RETREG1: variants seen among roughly 807,000 people sequenced by gnomAD.
The protein encoded by RETREG1 is reticulophagy regulator 1, also known as family with sequence similarity 134 member B.
In RETREG1, 44 loss-of-function variants were observed where a neutral mutation model predicts 54.8. That is an observed-to-expected ratio of 0.80 (90% CI 0.63 to 1.03). The LOEUF is 1.03. RETREG1 is among the 50% of genes least tolerant of loss of function. The pLI is 0.00. For missense variants in RETREG1, 554 were observed against 605.1 expected, an observed-to-expected ratio of 0.92 and a Z score of 0.89; for synonymous variants, 217 against 238.5, an observed-to-expected ratio of 0.91 and a Z score of 0.83.
At chr5:16,479,233 T>C (rs1275970840) in intron 5 of RETREG1, among the ~76,000 whole-genome samples, 1 of 152,050 alleles carries the variant, frequency 6.6e-6, no homozygotes, top group Non-Finnish European at 1.5e-5. Context: ...TCTTTTTCTG[T>C]AAGGTAAACA....
chr5:16,522,358 G>T (rs1278807770), intron 3 of RETREG1, among the ~76,000 whole-genome samples: 1 of 152,194 alleles, frequency 6.6e-6, no homozygotes, highest in Non-Finnish European at 1.5e-5. Flanking sequence ...GAGAGGCACA[G>T]TTTATCACAT....
intron 3 of RETREG1, among the ~76,000 whole-genome samples, chr5:16,530,877 C>T (rs1242120488): frequency 1.3e-5 from 2 of 151,840 alleles, no homozygotes; most frequent in East Asian, 3.9e-4. Context: ...AAAAAAAACT[C>T]CAAAATAAGA....
chr5:16,553,694 CGGGGTGGGCG>C (rs2126618225), intron 3 of RETREG1, among the ~76,000 whole-genome samples: 1 of 151,964 alleles, frequency 6.6e-6, no homozygotes, highest in South Asian at 2.1e-4. Flanking sequence ...GGCAGCAGGA[CGGGGTGGGCG>C]GGGGAGCAAC....
intron 3 of RETREG1, among the ~76,000 whole-genome samples, chr5:16,560,060 T>A (rs1663789258): frequency 2.0e-5 from 3 of 152,214 alleles, no homozygotes; most frequent in African/African-American, 7.2e-5. Flanking sequence ...GGTACAAATA[T>A]TGACATGTGA....
intron 3 of RETREG1, among the ~76,000 whole-genome samples, chr5:16,531,943 T>C (rs1243976306): frequency 1.3e-5 from 2 of 152,174 alleles, no homozygotes; most frequent in East Asian, 1.9e-4. Context: ...TCCCTGAGCA[T>C]GGCCTTACCC....
intron 1 of RETREG1, among the ~76,000 whole-genome samples, chr5:16,582,508 T>G (rs546953564): frequency 6.6e-6 from 1 of 152,318 alleles, no homozygotes; most frequent in African/African-American, 2.4e-5. Flanking sequence ...TTTATGGGAC[T>G]GGTCTCTATT....
chr5:16,583,409 C>T (rs1239705607), intron 1 of RETREG1, among the ~76,000 whole-genome samples: 1 of 152,028 alleles, frequency 6.6e-6, no homozygotes, highest in Non-Finnish European at 1.5e-5. Flanking sequence ...GGGAGAATCG[C>T]CTGAACCCTG....
chr5:16,549,675 C>T, intron 3 of RETREG1, among the ~76,000 whole-genome samples: 1 of 152,138 alleles, frequency 6.6e-6, no homozygotes, highest in East Asian at 1.9e-4. Context: ...CCCAGGGGAA[C>T]AAAAGTATTT....
intron 3 of RETREG1, among the ~76,000 whole-genome samples, chr5:16,502,950 G>T (rs1000410268): frequency 6.6e-6 from 1 of 152,194 alleles, no homozygotes; most frequent in East Asian, 1.9e-4. Context: ...CACACAATTA[G>T]GCTTTTGTCC....
Position 16,521,804 on chromosome 5 carries a change from A to C in RETREG1, c.459-38332T>G, listed in dbSNP as rs117258639. ...CAGGTTTAAAGGATTTCAGTCCTTAAATAGCAACTGATAAGATGTTTCTTG... is the reference window on the plus strand; with the variant it reads ...CAGGTTTAAAGGATTTCAGTCCTTACATAGCAACTGATAAGATGTTTCTTG... On this transcript the variant is annotated intron_variant, in intron 3 of 8. Coordinates refer to ENST00000306320, the MANE Select transcript of RETREG1 (RefSeq NM_001034850.3). Among the ~76,000 whole-genome samples, 86 of 152,376 alleles carry C rather than the reference A, an allele frequency of 5.6e-4. 2 individuals are homozygous for C. The East Asian group carries it at 0.013, about 24-fold the overall frequency.
chr5:16,570,099 C>A (rs895879690), intron 2 of RETREG1, among the ~76,000 whole-genome samples: 1 of 152,200 alleles, frequency 6.6e-6, no homozygotes, highest in Non-Finnish European at 1.5e-5. Context: ...TTTGAAACAC[C>A]AGGTTTGTGG....
chr5:16,584,633 TA>T (rs1742577875), intron 1 of RETREG1, among the ~76,000 whole-genome samples: 1 of 152,230 alleles, frequency 6.6e-6, no homozygotes. Context: ...CCATCTATCA[TA>T]ATATCACAAA....
rs540752791 is a variant in RETREG1, at chr5:16,483,333, C to A, written c.585+13G>T. On this transcript the variant is annotated intron_variant, in intron 4 of 8. Coordinates refer to ENST00000306320, the MANE Select transcript of RETREG1 (RefSeq NM_001034850.3). ...GAACATTTTAAAACATACTCCTTTA[C>A]TGGAAAACTTGCCTTGCCAGGGCTC... 2 of 1,612,830 alleles carry A rather than the reference C, an allele frequency of 1.2e-6. No individual in the cohort carries two copies. The highest frequency in any genetic ancestry group is 2.2e-5 in the South Asian group (2 of 91,056).
At position 16,537,388 on chromosome 5, in the gene RETREG1, C is replaced by T. The variant is rs546097236; in HGVS notation, c.458+28375G>A. 2.6e-5 allele frequency among the ~76,000 whole-genome samples: 4 copies of T among 152,326 alleles called. No homozygotes were observed. The East Asian group carries it at 7.7e-4, about 29-fold the overall frequency. ...TTCCGCGGAGGCTCAGCACAGCTACCAGCTGCAAACATCTGCAGCAGCTAA... is the reference window on the plus strand; with the variant it reads ...TTCCGCGGAGGCTCAGCACAGCTACTAGCTGCAAACATCTGCAGCAGCTAA... On this transcript the variant is annotated intron_variant, in intron 3 of 8. Coordinates refer to ENST00000306320, the MANE Select transcript of RETREG1 (RefSeq NM_001034850.3).
intron 4 of RETREG1, among the ~76,000 whole-genome samples, chr5:16,482,770 A>T (rs1162466604): frequency 6.6e-6 from 1 of 152,108 alleles, no homozygotes; most frequent in Non-Finnish European, 1.5e-5. Flanking sequence ...TAATACAAGT[A>T]TGTGCAGCAC....
intron 3 of RETREG1, among the ~76,000 whole-genome samples, chr5:16,541,739 G>GGGAGGGAAGGAA (rs1379256353): frequency 9.3e-4 from 95 of 102,244 alleles, no homozygotes; most frequent in Admixed American, 2.4e-3. Flanking sequence ...GAGGGAGGGA[G>GGGAGGGAAGGAA]GGAAGGAAGG....
chr5:16,492,199 CCT>C (rs369038338), intron 3 of RETREG1, among the ~76,000 whole-genome samples: 7,562 of 135,726 alleles, frequency 0.056, 225 homozygotes, highest in African/African-American at 0.068. Flanking sequence ...ACAGTGTTGT[CCT>C]CTCTCTCTCT....
rs528206952 is a variant in RETREG1 at position 16,594,527 on chromosome 5, C to G, written c.320+22125G>C. ...ATCACCTGAACTCAGGAGATCAAGA[C>G]CAGCCTCACCAACATGGCAAAACCC... is the stretch of plus-strand genomic sequence containing the variant. On this transcript the variant is annotated intron_variant, in intron 1 of 8. Transcript: ENST00000306320. The surrounding 1 kb of genome is among the most constrained non-coding windows in gnomAD (Gnocchi z 4.4). Among the ~76,000 whole-genome samples, 2 of 152,030 alleles carry G rather than the reference C, an allele frequency of 1.3e-5. No homozygotes were observed. Among genetic ancestry groups the G allele is most frequent in the Admixed American group, 6.6e-5 (1 of 15,260 alleles).
At chr5:16,516,158 A>G (rs540960585) in intron 3 of RETREG1, among the ~76,000 whole-genome samples, 1 of 140,620 alleles carries the variant, frequency 7.1e-6, no homozygotes, top group East Asian at 2.3e-4. Context: ...TCGTACATTT[A>G]TACTACTTAT....
Sources: gnomAD v4.1 joint callset for allele counts (sites outside exome capture counted in the v4.1 genomes callset) on GRCh38, gnomAD v4.1.1 for gene constraint, Gnocchi (gnomAD v3.1) non-coding constraint, MANE v1.5 for transcripts, NCBI Gene and HGNC (gene_info 2026-07-23, HGNC 2026-07-21) for gene names.